The following CARD8 variants were observed in gnomAD, a reference collection of about 807,000 sequenced individuals.
CARD8 encodes the protein caspase recruitment domain family member 8, also known as caspase recruitment domain-containing protein 8.
In CARD8, 38 loss-of-function variants were observed where a neutral mutation model predicts 53.2. The observed-to-expected ratio is 0.71, with a 90% CI of 0.55 to 0.94. The LOEUF (loss-of-function observed/expected upper bound fraction) is 0.94. Among genes scored for constraint, CARD8 ranks in the 40% least tolerant of loss-of-function variants. The pLI, the probability that CARD8 is intolerant of heterozygous loss-of-function variation, is 0.00. For missense variants in CARD8, 561 were observed against 655.5 expected (o/e 0.86, Z 1.57); for synonymous variants, 245 against 244.9 (o/e 1.00, Z 0.00).
downstream of CARD8, among the ~76,000 whole-genome samples, chr19:48,205,820 C>A (rs2037322612): frequency 6.6e-6 from 1 of 152,044 alleles, no homozygotes; most frequent in South Asian, 2.1e-4. Flanking sequence ...ATGATGGGAG[C>A]AACAAGAGAG....
rs371795173 is a variant in CARD8 at position 48,211,927 on chromosome 19, C to T, written c.1397G>A (p.Gly466Glu). The T allele has an allele frequency of 6.2e-6, 10 of 1,613,978 alleles. No individual in the cohort carries two copies. In the South Asian group the frequency reaches 7.7e-5, roughly 12 times the overall value. ...ENHRQLQARM[G>E]DLKGVLDDLQ... ...ATCATCGAGCACCCCTTTCAGGTCC[C>T]CCATCCTGGCTTGGAGTTGCCGGTG... The change falls in exon 14 of 14, where the codon GGG becomes GAG. Residue 466 changes from glycine to glutamate, a missense_variant. Transcript: ENST00000651546.
At chr19:48,252,408 T>C (rs1271451355) in intron 1 of CARD8, among the ~76,000 whole-genome samples, 1 of 151,922 alleles carries the variant, frequency 6.6e-6, no homozygotes, top group East Asian at 1.9e-4. Context: ...ATATGTTTTG[T>C]TATGTTTACA....
downstream of CARD8, among the ~76,000 whole-genome samples, chr19:48,207,497 CT>C (rs2037401799): frequency 2.2e-5 from 1 of 46,144 alleles, no homozygotes; most frequent in African/African-American, 4.5e-5. Context: ...ATTTTTATGG[CT>C]TTTAATGAGG....
rs2044321434 is a variant in CARD8 at position 48,238,492 on chromosome 19, T to TTA, written c.99_100insTA (p.Ile34Ter). ...AGTTTCCGTGATCCTTGTAGTCTAA[T>TTA]GAGTTTGGATGCATCTATGTTCCTA... On this transcript the variant is annotated frameshift_variant, in exon 5 of 14. Transcript: ENST00000651546. LOFTEE classifies it high-confidence loss of function. 1.3e-6 allele frequency: 2 copies of TTA among 1,535,974 alleles called. No individual in the cohort carries two copies. The highest frequency in any genetic ancestry group is 2.0e-5 in the Admixed American group (1 of 50,990).
At chr19:48,224,502 G>GCTATTGCCGGCCATTCAAGC (rs1286287170) in intron 10 of CARD8, among the ~76,000 whole-genome samples, 4 of 152,124 alleles carry the variant, frequency 2.6e-5, no homozygotes, top group African/African-American at 9.7e-5. Flanking sequence ...ATAGCCACAT[G>GCTATTGCCGGCCATTCAAGC]CTATTGCCGG....
At chr19:48,221,006 G>GC (rs1555806437) in intron 11 of CARD8, among the ~76,000 whole-genome samples, 251 of 88,328 alleles carry the variant, frequency 2.8e-3, no homozygotes, top group African/African-American at 8.4e-3. Flanking sequence ...AAGAAAGAAA[G>GC]AAAAAGAAAG....
At chr19:48,222,672 GAGCGAGACT>G in intron 10 of CARD8, among the ~76,000 whole-genome samples, 1 of 150,678 alleles carries the variant, frequency 6.6e-6, no homozygotes, top group African/African-American at 2.5e-5. Context: ...CTGGGCGACA[GAGCGAGACT>G]CTGTCTCACC....
intron 5 of CARD8, among the ~76,000 whole-genome samples, chr19:48,237,004 G>A (rs536074807): frequency 1.4e-4 from 22 of 152,084 alleles, no homozygotes; most frequent in Non-Finnish European, 1.0e-4. Context: ...TCAAACTCCC[G>A]ACATCAGGTG....
Position 48,232,505 on chromosome 19 carries a change from G to C in CARD8, c.351-12C>G. 1 of 1,534,932 alleles carries C rather than the reference G, an allele frequency of 6.5e-7. No homozygotes were observed. Among genetic ancestry groups the C allele is most frequent in the East Asian group, 2.4e-5 (1 of 40,908 alleles). On this transcript the variant is annotated splice_polypyrimidine_tract_variant and intron_variant, in intron 6 of 13. Transcript: ENST00000651546. ...GCTCTTCTGATACACTGGAGGTTGGGATCCCCATGTTACAAAAAGATGAAA... is the reference window on the plus strand; with the variant it reads ...GCTCTTCTGATACACTGGAGGTTGGCATCCCCATGTTACAAAAAGATGAAA...
intron 11 of CARD8, among the ~76,000 whole-genome samples, chr19:48,219,921 A>T (rs1255502872): frequency 6.6e-6 from 1 of 152,190 alleles, no homozygotes; most frequent in African/African-American, 2.4e-5. Flanking sequence ...CAGTGAGCAG[A>T]CATTGCGCCA....
intron 10 of CARD8, among the ~76,000 whole-genome samples, chr19:48,225,389 G>A (rs2041559782): frequency 1.3e-5 from 2 of 152,108 alleles, no homozygotes; most frequent in African/African-American, 2.4e-5. Flanking sequence ...TACTCGGGAC[G>A]CTGAGGCAGG....
At chr19:48,206,934 C>G (rs1316995516), downstream of CARD8, among the ~76,000 whole-genome samples, 2 of 152,040 alleles carry the variant, frequency 1.3e-5, no homozygotes, top group Non-Finnish European at 2.9e-5. Context: ...TCCTAAAGTT[C>G]GACCTTATCT....
intron 13 of CARD8, 173 bp downstream of exon 13, chr19:48,215,167 C>T (rs2145422324): frequency 3.7e-6 from 2 of 541,078 alleles, no homozygotes; most frequent in South Asian, 4.3e-5. Context: ...CCTTATGCCC[C>T]TCAGTCAAAT....
Position 48,221,627 on chromosome 19 carries a change from GATTA to G in CARD8, c.1161+99_1161+102del, listed in dbSNP as rs1389122304. On this transcript the variant is annotated intron_variant, in intron 11 of 13. Transcript: ENST00000651546. ...CAATTTTTTTAAAGGGCATATTTGTGATTAATAAAAGAAAAATGTTGCATTTTGC... is the reference window on the plus strand; with the variant it reads ...CAATTTTTTTAAAGGGCATATTTGTGATAAAAGAAAAATGTTGCATTTTGC... 7 of 773,508 alleles carry G rather than the reference GATTA, an allele frequency of 9.0e-6. No individual in the cohort carries two copies. The African/African-American group carries it at 1.2e-4, about 13-fold the overall frequency. 47.9% of individuals were successfully genotyped at this position (773,508 alleles called of 1,614,324 possible). A position where few individuals can be genotyped will look rare whatever the true frequency, so the allele number is the denominator to read the frequency against.
At chr19:48,242,499 A>G (rs528506429) in intron 3 of CARD8, 6 of 152,320 alleles carry the variant, frequency 3.9e-5, no homozygotes, top group Non-Finnish European at 8.8e-5. Context: ...CACTTCCCGT[A>G]TGTTTTCAAG....
chr19:48,214,486 T>C (rs1039437209), intron 13 of CARD8, among the ~76,000 whole-genome samples: 7 of 152,116 alleles, frequency 4.6e-5, no homozygotes, highest in Non-Finnish European at 1.5e-5. Context: ...TATAACCTCT[T>C]ACGGAGGTTG....
intron 7 of CARD8, 137 bp from the exon 8 acceptor site, chr19:48,231,947 A>T: frequency 1.3e-6 from 1 of 769,930 alleles, no homozygotes; most frequent in Non-Finnish European, 2.3e-6. Context: ...CAGAATATGC[A>T]GTTTCGCTTC....
intron 10 of CARD8, among the ~76,000 whole-genome samples, chr19:48,229,099 T>C (rs1410814604): frequency 3.3e-5 from 5 of 151,954 alleles, no homozygotes; most frequent in African/African-American, 1.2e-4. Flanking sequence ...CAATTGCCAC[T>C]GCATTCTAGC....
intron 13 of CARD8, 122 bp downstream of exon 13, chr19:48,215,218 C>A: frequency 1.4e-6 from 1 of 696,210 alleles, no homozygotes; most frequent in Non-Finnish European, 2.6e-6. Flanking sequence ...TGCTGCAGAC[C>A]TATACGGATT....
Sources: allele counts gnomAD v4.1 joint callset (sites outside exome capture counted in the v4.1 genomes callset), GRCh38; gene constraint gnomAD v4.1.1; transcripts MANE v1.5; gene names NCBI Gene and HGNC (gene_info 2026-07-23, HGNC 2026-07-21).